Variants in ZSWIM6 observed in about 807,000 individuals in gnomAD.
ZSWIM6 encodes the protein zinc finger SWIM-type containing 6, also known as zinc finger SWIM domain-containing protein 6.
ZSWIM6 carries 9 observed loss-of-function variants against 113.2 expected under a neutral mutation model. That is an observed-to-expected ratio of 0.08 (90% CI 0.05 to 0.14). The LOEUF is 0.14. ZSWIM6 is among the 10% of genes least tolerant of loss of function. The pLI is 1.00. For missense variants in ZSWIM6, 1,162 were observed against 1,552.2 expected (o/e 0.75, Z 4.22); for synonymous variants, 611 against 606.5 (o/e 1.01, Z -0.11).
chr5:61,453,299 T>A (rs550919217), intron 1 of ZSWIM6, among the ~76,000 whole-genome samples: 1 of 152,132 alleles, frequency 6.6e-6, no homozygotes. Flanking sequence ...TAAATCTAGC[T>A]ACTTAACATA....
At chr5:61,440,877 A>G (rs559192685) in intron 1 of ZSWIM6, among the ~76,000 whole-genome samples, 133 of 152,352 alleles carry the variant, frequency 8.7e-4, no homozygotes, top group African/African-American at 3.1e-3. Flanking sequence ...TGGAACAGAC[A>G]GGCATATAAA....
chr5:61,537,386 G>C (rs1472574639), intron 10 of ZSWIM6, among the ~76,000 whole-genome samples: 1 of 152,104 alleles, frequency 6.6e-6, no homozygotes, highest in Non-Finnish European at 1.5e-5. Context: ...GCAGCCCAGG[G>C]AACAGGAAGG....
intron 1 of ZSWIM6, among the ~76,000 whole-genome samples, chr5:61,337,983 CTTGAGTGTGTGT>C (rs1174136143): frequency 3.3e-5 from 5 of 151,158 alleles, no homozygotes; most frequent in African/African-American, 1.2e-4. Context: ...TGTGTGTGTG[CTTGAGTGTGTGT>C]GAGGGTCCTT....
At chr5:61,388,076 G>A (rs1271221141) in intron 1 of ZSWIM6, among the ~76,000 whole-genome samples, 2 of 149,388 alleles carry the variant, frequency 1.3e-5, no homozygotes, top group South Asian at 2.1e-4. Flanking sequence ...TCCGCCTCTC[G>A]GGCTGAAGTG....
At chr5:61,362,683 C>G (rs1745055278) in intron 1 of ZSWIM6, among the ~76,000 whole-genome samples, 1 of 152,152 alleles carries the variant, frequency 6.6e-6, no homozygotes, top group Admixed American at 6.5e-5. Flanking sequence ...CTACCTGATG[C>G]CCTTTTCTTA....
At chr5:61,500,272 G>A (rs929452082) in intron 4 of ZSWIM6, among the ~76,000 whole-genome samples, 2 of 151,894 alleles carry the variant, frequency 1.3e-5, no homozygotes, top group East Asian at 1.9e-4. Context: ...GACTACAGGC[G>A]CTGGTTGCCA....
intron 1 of ZSWIM6, among the ~76,000 whole-genome samples, chr5:61,419,570 C>A (rs1746315841): frequency 6.6e-6 from 1 of 152,228 alleles, no homozygotes; most frequent in Non-Finnish European, 1.5e-5. Context: ...TAACATGGAA[C>A]ATTCATTTTC....
At chr5:61,465,855 A>AT (rs909582190) in intron 1 of ZSWIM6, among the ~76,000 whole-genome samples, 12 of 152,140 alleles carry the variant, frequency 7.9e-5, no homozygotes, top group Non-Finnish European at 1.5e-4. Flanking sequence ...TTTAAAAAAT[A>AT]TTTTTTTCAG....
chr5:61,529,557 T>C (rs1749375259), intron 7 of ZSWIM6, among the ~76,000 whole-genome samples: 1 of 152,180 alleles, frequency 6.6e-6, no homozygotes, highest in South Asian at 2.1e-4. Flanking sequence ...AAGTCCTCAA[T>C]TTACATGACC....
rs1276837234 is a variant in ZSWIM6, at chr5:61,521,445, G to A, written c.1513+3G>A. ...TCAGGGTGCAAATGCCAACCAAGGTGAGTCTACCATAATGTTCTGCTTAAA... is the reference window on the plus strand; with the variant it reads ...TCAGGGTGCAAATGCCAACCAAGGTAAGTCTACCATAATGTTCTGCTTAAA... On this transcript the variant is annotated splice_donor_region_variant and intron_variant, in intron 5 of 13. Transcript: ENST00000252744. The A allele has an allele frequency of 3.4e-6, 5 of 1,455,438 alleles. No individual in the cohort carries two copies. The African/African-American group carries it at 7.2e-5, about 21-fold the overall frequency. 90.2% of individuals were successfully genotyped at this position (1,455,438 alleles called of 1,614,324 possible).
chr5:61,382,686 T>C (rs1424193203), intron 1 of ZSWIM6, among the ~76,000 whole-genome samples: 1 of 152,034 alleles, frequency 6.6e-6, no homozygotes, highest in African/African-American at 2.4e-5. Context: ...ACTCTGGTAG[T>C]CCCAGCTACT....
At chr5:61,475,808 T>A (rs1430281691) in intron 2 of ZSWIM6, among the ~76,000 whole-genome samples, 1 of 152,188 alleles carries the variant, frequency 6.6e-6, no homozygotes, top group Non-Finnish European at 1.5e-5. Context: ...TAAAAATGTT[T>A]TGCAGTTACT....
intron 12 of ZSWIM6, among the ~76,000 whole-genome samples, chr5:61,541,556 G>A (rs1304845463): frequency 6.6e-6 from 1 of 150,452 alleles, no homozygotes; most frequent in Non-Finnish European, 1.5e-5. Context: ...AAAGGGCATG[G>A]GCTGTGTTTA....
chr5:61,506,412 A>G (rs968227366), intron 4 of ZSWIM6, among the ~76,000 whole-genome samples: 14 of 151,886 alleles, frequency 9.2e-5, no homozygotes, highest in South Asian at 2.1e-4. Context: ...GTGAAACCCT[A>G]TATCTACTGA....
At chr5:61,416,812 G>GA (rs1282058548) in intron 1 of ZSWIM6, among the ~76,000 whole-genome samples, 1 of 152,204 alleles carries the variant, frequency 6.6e-6, no homozygotes, top group African/African-American at 2.4e-5. Context: ...GACAGGGAAT[G>GA]AATGAGAAGT....
rs1744278603 is a variant in ZSWIM6, at chr5:61,332,650, C to T, written c.378C>T (p.Ser126=). ...AGCGGGAGATCTGCATGTACTCGTCCTTCAACACCGGCGGCGGCGCCGCGG... is the reference window on the plus strand; with the variant it reads ...AGCGGGAGATCTGCATGTACTCGTCTTTCAACACCGGCGGCGGCGCCGCGG... ...RSEREICMYS[S]FNTGGGAAGG... Residue 126 remains serine (S), a synonymous_variant, in exon 1 of 14, where the codon TCC becomes TCT. Coordinates refer to ENST00000252744, the MANE Select transcript of ZSWIM6 (RefSeq NM_020928.2). The T allele has an allele frequency of 1.7e-6, 2 of 1,149,196 alleles. No individual in the cohort carries two copies. Among genetic ancestry groups the T allele is most frequent in the Non-Finnish European group, 2.2e-6 (2 of 907,462 alleles). 71.2% of individuals were successfully genotyped at this position (1,149,196 alleles called of 1,614,324 possible).
intron 1 of ZSWIM6, among the ~76,000 whole-genome samples, chr5:61,405,109 A>G (rs1746018896): frequency 6.6e-6 from 1 of 152,216 alleles, no homozygotes; most frequent in African/African-American, 2.4e-5. Flanking sequence ...ACTTAACTGT[A>G]ATTATCCTGT....
intron 1 of ZSWIM6, among the ~76,000 whole-genome samples, chr5:61,458,034 C>T (rs1200276850): frequency 6.6e-6 from 1 of 152,058 alleles, no homozygotes; most frequent in East Asian, 1.9e-4. Context: ...TTTGATGCCC[C>T]ATATTATGTG....
At chr5:61,538,506 G>T (rs1279232305) in intron 10 of ZSWIM6, among the ~76,000 whole-genome samples, 2 of 152,056 alleles carry the variant, frequency 1.3e-5, no homozygotes, top group African/African-American at 4.8e-5. Flanking sequence ...CGGTGTTTGC[G>T]TATCTTAATT....
Sources: gnomAD v4.1 joint callset for allele counts (sites outside exome capture counted in the v4.1 genomes callset) on GRCh38, gnomAD v4.1.1 for gene constraint, MANE v1.5 for transcripts, NCBI Gene and HGNC (gene_info 2026-07-23, HGNC 2026-07-21) for gene names.